The following IFIH1 variants were observed in gnomAD, a reference collection of about 807,000 sequenced individuals.
IFIH1 encodes interferon induced with helicase C domain 1, also known as interferon-induced helicase C domain-containing protein 1.
A neutral mutation model predicts 107.4 loss-of-function variants in IFIH1; 125 were observed. That is an observed-to-expected ratio of 1.16 (90% CI 1.01 to 1.35). IFIH1 has a LOEUF of 1.35. Ranked by LOEUF, IFIH1 falls within the 40% of genes most tolerant of loss-of-function variation. The pLI is 0.00. For missense variants in IFIH1, 1,333 were observed against 1,213.7 expected (o/e 1.10, Z -1.46); for synonymous variants, 458 against 413.2 (o/e 1.11, Z -1.31).
In IFIH1 at chr2:162,317,723, T is replaced by A. The variant is rs1683528060; in HGVS notation, c.453+132A>T. 1.4e-5 allele frequency: 10 copies of A among 702,452 alleles called. 1 individual carries two copies. The highest frequency in any genetic ancestry group is 2.5e-4 in the Middle Eastern group (1 of 4,002). The allele number at this position is 702,452 out of a possible 1,614,324, so 43.5% of individuals were successfully genotyped here. ...TTAAAATTGTCTTAAAGTGCCTAGATGTTGTCTTCTCAAAGGAAGAAACTA... is the reference window on the plus strand; with the variant it reads ...TTAAAATTGTCTTAAAGTGCCTAGAAGTTGTCTTCTCAAAGGAAGAAACTA... On this transcript the variant is annotated intron_variant, in intron 1 of 15. Coordinates refer to ENST00000649979, the MANE Select transcript of IFIH1 (RefSeq NM_022168.4).
chr2:162,299,250 A>G (rs1683150076), intron 3 of IFIH1, among the ~76,000 whole-genome samples: 1 of 152,208 alleles, frequency 6.6e-6, no homozygotes, highest in Non-Finnish European at 1.5e-5. Flanking sequence ...TAATAGTGAG[A>G]AGCCAGGTAA....
At chr2:162,311,483 A>G (rs1231023557) in intron 1 of IFIH1, among the ~76,000 whole-genome samples, 1 of 152,088 alleles carries the variant, frequency 6.6e-6, no homozygotes, top group Non-Finnish European at 1.5e-5. Flanking sequence ...GATTATTACT[A>G]TAATCAATTT....
chr2:162,312,089 T>G (rs949016098), intron 1 of IFIH1, among the ~76,000 whole-genome samples: 1 of 152,184 alleles, frequency 6.6e-6, no homozygotes, highest in African/African-American at 2.4e-5. Context: ...CATGTATCAT[T>G]TGGATTGTTT....
rs200945986 is a variant in IFIH1, at chr2:162,277,666, C to T, written c.1793G>A (p.Arg598His). Residue 598 changes from arginine (R) to histidine (H), a missense_variant, in exon 10 of 16, where the codon CGT becomes CAT. Coordinates refer to ENST00000649979, the MANE Select transcript of IFIH1 (RefSeq NM_022168.4). ...KAAKEGNRKERVCAEHLRKYN... is the reference protein window; with the variant it reads ...KAAKEGNRKEHVCAEHLRKYN... ...CTTCCTCAAATGTTCTGCACAAACACGTTCTTTGCGATTTCCTTCTTTTGC... is the reference window on the plus strand; with the variant it reads ...CTTCCTCAAATGTTCTGCACAAACATGTTCTTTGCGATTTCCTTCTTTTGC... The T allele has an allele frequency of 4.8e-5, 77 of 1,604,686 alleles. No individual in the cohort carries two copies. In the African/African-American group the frequency reaches 7.0e-4, roughly 15 times the overall value.
rs1297342237 is a variant in IFIH1 at position 162,280,126 on chromosome 2, A to AT, written c.1525-15dup. 7.8e-7 allele frequency: 1 copy of AT among 1,286,150 alleles called. No individual in the cohort carries two copies. Among genetic ancestry groups the AT allele is most frequent in the East Asian group, 2.3e-5 (1 of 43,156 alleles). 79.7% of individuals were successfully genotyped at this position (1,286,150 alleles called of 1,614,324 possible). Reference sequence around the variant, plus strand: ...ATTGGCACATAGCTGGAAAAGAGACATTTTTCAATATTTATGCAATTATTT... The same window carrying AT: ...ATTGGCACATAGCTGGAAAAGAGACATTTTTTCAATATTTATGCAATTATTT... On this transcript the variant is annotated splice_polypyrimidine_tract_variant and intron_variant, in intron 7 of 15. Transcript: ENST00000649979.
chr2:162,287,338 A>G (rs1189326404), intron 5 of IFIH1, among the ~76,000 whole-genome samples: 1 of 151,912 alleles, frequency 6.6e-6, no homozygotes, highest in Non-Finnish European at 1.5e-5. Flanking sequence ...TGATCAAGGA[A>G]AAGTATGCTC....
chr2:162,318,493 TGGGCAGGTGGGCAGGC>T lies in IFIH1; in HGVS notation c.-202_-187del, dbSNP rs1323823384. ...CGGCGCGCGGGGCTGCACTCGCACC[TGGGCAGGTGGGCAGGC>T]GGGCAGGTGGGCAGCGGGGCGGCGC... On this transcript the variant is annotated 5_prime_UTR_variant, in exon 1 of 16. Transcript: ENST00000649979. 10 of 401,352 alleles carry T rather than the reference TGGGCAGGTGGGCAGGC, an allele frequency of 2.5e-5. No homozygotes were observed. The South Asian group carries it at 3.3e-4, about 13-fold the overall frequency. 24.9% of individuals were successfully genotyped at this position (401,352 alleles called of 1,614,324 possible).
chr2:162,310,786 C>A lies in IFIH1; in HGVS notation c.601G>T (p.Asp201Tyr), dbSNP rs767542632. 6.2e-7 allele frequency: 1 copy of A among 1,613,750 alleles called. No homozygotes were observed. Among genetic ancestry groups the A allele is most frequent in the South Asian group, 1.1e-5 (1 of 91,052 alleles). Reference sequence around the variant, plus strand: ...ATACCTGCATTGCTTTCTGAGCAATCAGAGCCTGTTAACTCTTGGACAAGT... The same window carrying A: ...ATACCTGCATTGCTTTCTGAGCAATAAGAGCCTGTTAACTCTTGGACAAGT... ...NELVQELTGS[D>Y]CSESNAEIEN... is the part of the protein sequence containing the mutation. The change falls in exon 2 of 16, where the codon GAT becomes TAT. Residue 201 changes from aspartate to tyrosine, a missense_variant. Transcript: ENST00000649979.
At chr2:162,303,494 ATTTCTG>A in intron 3 of IFIH1, among the ~76,000 whole-genome samples, 1 of 152,126 alleles carries the variant, frequency 6.6e-6, no homozygotes. Flanking sequence ...CCATGAAGCC[ATTTCTG>A]TTATGTTCCT....
chr2:162,317,876 C>T lies in IFIH1; in HGVS notation c.432G>A (p.Leu144=). Residue 144 remains leucine, a synonymous_variant, in exon 1 of 16, where the codon TTG becomes TTA. Coordinates refer to ENST00000649979, the MANE Select transcript of IFIH1 (RefSeq NM_022168.4). Reference sequence around the variant, plus strand: ...CTACCCGGTTTCTGTCTTCAATTGTCAACAGTTCCTCCTCCATGCACTTAT... The same window carrying T: ...CTACCCGGTTTCTGTCTTCAATTGTTAACAGTTCCTCCTCCATGCACTTAT... ...VLDKCMEEEL[L]TIEDRNRIAA... The T allele has an allele frequency of 6.3e-7, 1 of 1,590,150 alleles. No homozygotes were observed. Among genetic ancestry groups the T allele is most frequent in the Middle Eastern group, 1.7e-4 (1 of 5,894 alleles).
At position 162,318,488 on chromosome 2, in the gene IFIH1, G is replaced by T; in HGVS notation, c.-181C>A. ...CAGGCCGGCGCGCGGGGCTGCACTCGCACCTGGGCAGGTGGGCAGGCGGGC... is the reference window on the plus strand; with the variant it reads ...CAGGCCGGCGCGCGGGGCTGCACTCTCACCTGGGCAGGTGGGCAGGCGGGC... On this transcript the variant is annotated 5_prime_UTR_variant, in exon 1 of 16. Transcript: ENST00000649979. The T allele has an allele frequency of 4.3e-6, 2 of 464,820 alleles. No individual in the cohort carries two copies. The highest frequency in any genetic ancestry group is 3.7e-6 in the Non-Finnish European group (1 of 270,080). 28.8% of individuals were successfully genotyped at this position (464,820 alleles called of 1,614,324 possible).
intron 5 of IFIH1, 114 bp downstream of exon 5, chr2:162,288,021 A>G: frequency 1.5e-6 from 1 of 662,608 alleles, no homozygotes. Flanking sequence ...TTATTTTGAC[A>G]TTACTCTTAA....
intron 1 of IFIH1, among the ~76,000 whole-genome samples, chr2:162,312,451 AAGTG>A (rs747087628): frequency 2.6e-5 from 4 of 152,182 alleles, no homozygotes; most frequent in Non-Finnish European, 4.4e-5. Flanking sequence ...TGAGGTCACA[AAGTG>A]AGTAAGTGGC....
chr2:162,302,893 C>G (rs758572085), intron 3 of IFIH1, among the ~76,000 whole-genome samples: 3 of 152,144 alleles, frequency 2.0e-5, no homozygotes, highest in Non-Finnish European at 4.4e-5. Context: ...ATCCAGATAT[C>G]ATAAAGAACC....
Position 162,318,422 on chromosome 2 carries a change from C to G in IFIH1, c.-115G>C, listed in dbSNP as rs1183247857. ...GCCCACTTAGAGAAGCAGGGTCTAC[C>G]GCTCTGTGCCTGACAATGACGAGGT... On this transcript the variant is annotated 5_prime_UTR_variant, in exon 1 of 16. Coordinates refer to ENST00000649979, the MANE Select transcript of IFIH1 (RefSeq NM_022168.4). 1 of 844,470 alleles carries G rather than the reference C, an allele frequency of 1.2e-6. No individual in the cohort carries two copies. The highest frequency in any genetic ancestry group is 1.9e-6 in the Non-Finnish European group (1 of 528,426). 52.3% of individuals were successfully genotyped at this position (844,470 alleles called of 1,614,324 possible).
chr2:162,269,944 T>C (rs978363791), intron 13 of IFIH1, among the ~76,000 whole-genome samples: 3 of 152,140 alleles, frequency 2.0e-5, no homozygotes, highest in African/African-American at 7.2e-5. Context: ...TTTTAATAGG[T>C]TACTTTTATA....
At chr2:162,316,483 A>T (rs994815012) in intron 1 of IFIH1, among the ~76,000 whole-genome samples, 6 of 152,240 alleles carry the variant, frequency 3.9e-5, no homozygotes, top group Non-Finnish European at 7.3e-5. Context: ...AAAACTGGCC[A>T]TCAAAATTAG....
chr2:162,276,188 C>A (rs1691150262), intron 11 of IFIH1, among the ~76,000 whole-genome samples: 1 of 152,152 alleles, frequency 6.6e-6, no homozygotes, highest in Admixed American at 6.5e-5. Flanking sequence ...GATTTGATTG[C>A]TATTAGCCTT....
At chr2:162,314,416 T>TTTTCTTTCTTTCTTTCTTTCTTTCTTTC (rs760939547) in intron 1 of IFIH1, among the ~76,000 whole-genome samples, 1 of 51,468 alleles carries the variant, frequency 1.9e-5, no homozygotes, top group African/African-American at 1.2e-4. Flanking sequence ...TCTTTCTTTC[T>TTTTCTTTCTTTCTTTCTTTCTTTCTTTC]TTTCTTTCTT....
Sources: gnomAD v4.1 joint callset for allele counts (sites outside exome capture counted in the v4.1 genomes callset) on GRCh38, gnomAD v4.1.1 for gene constraint, MANE v1.5 for transcripts, NCBI Gene and HGNC (gene_info 2026-07-23, HGNC 2026-07-21) for gene names.